Variants in TCF7L2 observed in about 807,000 individuals in gnomAD.
The protein encoded by TCF7L2 is transcription factor 7-like 2.
In TCF7L2, 23 loss-of-function variants were observed where a neutral mutation model predicts 77.9. The observed-to-expected ratio is 0.30, with a 90% CI of 0.21 to 0.42. The LOEUF (loss-of-function observed/expected upper bound fraction) is 0.42. TCF7L2 is among the 10% of genes least tolerant of loss of function. The pLI, the probability that TCF7L2 is intolerant of heterozygous loss-of-function variation, is 1.00. For missense variants in TCF7L2, 654 were observed against 793.1 expected, an observed-to-expected ratio of 0.82 and a Z score of 2.11; for synonymous variants, 413 against 340.2, an observed-to-expected ratio of 1.21 and a Z score of -2.36.
At chr10:113,153,493 C>T (rs1203332400) in intron 11 of TCF7L2, among the ~76,000 whole-genome samples, 2 of 152,206 alleles carry the variant, frequency 1.3e-5, no homozygotes, top group African/African-American at 4.8e-5. Flanking sequence ...CCACTGGCAT[C>T]ATCCGCGGTG....
intron 4 of TCF7L2, among the ~76,000 whole-genome samples, chr10:113,038,241 T>G (rs938610602): frequency 2.0e-5 from 3 of 151,986 alleles, no homozygotes; most frequent in African/African-American, 7.3e-5. Context: ...GACAACTCAT[T>G]CAGTACACAG....
intron 4 of TCF7L2, among the ~76,000 whole-genome samples, chr10:112,968,769 T>C (rs1427056269): frequency 6.6e-6 from 1 of 151,988 alleles, no homozygotes; most frequent in Admixed American, 6.6e-5. Context: ...TTAGTAGAGA[T>C]GGGGTTTCAC....
intron 4 of TCF7L2, among the ~76,000 whole-genome samples, chr10:112,975,752 G>C (rs2039299500): frequency 6.6e-6 from 1 of 152,228 alleles, no homozygotes; most frequent in South Asian, 2.1e-4. Context: ...AAAGTGCTGG[G>C]ATTACAGGCG....
chr10:113,077,367 C>T lies in TCF7L2; in HGVS notation c.552+37241C>T, dbSNP rs115284751. Among the ~76,000 whole-genome samples the T allele has an allele frequency of 8.0e-3, 1,220 of 152,252 alleles. 14 individuals carry two copies. The highest frequency in any genetic ancestry group is 0.027 in the African/African-American group (1,113 of 41,546). On this transcript the variant is annotated intron_variant, in intron 5 of 13. Transcript: ENST00000627217. ...TTAGTCACATACCATGCAGTTCACC[C>T]ATTTAAAGTATATAATTCAGTGGTT...
chr10:113,155,304 G>T (rs758510999), intron 11 of TCF7L2, among the ~76,000 whole-genome samples: 8 of 152,022 alleles, frequency 5.3e-5, no homozygotes, highest in Non-Finnish European at 8.8e-5. Context: ...CCTCTACACT[G>T]GGTAAAGGAT....
At chr10:112,955,679 T>G (rs1373211134) in intron 3 of TCF7L2, among the ~76,000 whole-genome samples, 5 of 152,116 alleles carry the variant, frequency 3.3e-5, no homozygotes, top group African/African-American at 1.2e-4. Flanking sequence ...TGATTTTAAT[T>G]TTACTGATAG....
intron 5 of TCF7L2, among the ~76,000 whole-genome samples, chr10:113,099,091 A>G (rs557844734): frequency 5.3e-5 from 8 of 152,194 alleles, no homozygotes; most frequent in Admixed American, 1.3e-4. Flanking sequence ...TGGATTTTCT[A>G]TTCTTCATTG....
intron 4 of TCF7L2, among the ~76,000 whole-genome samples, chr10:112,981,715 G>A (rs1011442931): frequency 6.6e-6 from 1 of 152,188 alleles, no homozygotes; most frequent in African/African-American, 2.4e-5. Context: ...AAGCAGATAT[G>A]GTTTTGATTT....
chr10:113,140,937 G>C (rs2068257735), intron 5 of TCF7L2, among the ~76,000 whole-genome samples: 1 of 152,190 alleles, frequency 6.6e-6, no homozygotes, highest in African/African-American at 2.4e-5. Context: ...TAGGGGTTGA[G>C]AAGGTATTTT....
rs1481774067 is a variant in TCF7L2, at chr10:113,158,835, C to T, written c.1318+766C>T. The T allele has an allele frequency of 3.9e-6, 4 of 1,018,398 alleles. No homozygotes were observed. In the Admixed American group the frequency reaches 8.8e-5, roughly 22 times the overall value. 63.1% of individuals were successfully genotyped at this position (1,018,398 alleles called of 1,614,324 possible). A position where few individuals can be genotyped will look rare whatever the true frequency, so the allele number is the denominator to read the frequency against. On this transcript the variant is annotated intron_variant, in intron 12 of 13. Coordinates refer to ENST00000627217, the MANE Select transcript of TCF7L2 (RefSeq NM_001146274.2). ...GACATTTGAACATTCTTTAAAATGA[C>T]CATCAACACGGTTTCGTATGTTTCA...
intron 4 of TCF7L2, among the ~76,000 whole-genome samples, chr10:113,001,281 T>C (rs1391068826): frequency 1.3e-5 from 2 of 152,148 alleles, no homozygotes; most frequent in African/African-American, 4.8e-5. Context: ...CAACAAAGAG[T>C]ATTTTATTTA....
At chr10:112,952,645 G>A (rs1053641247) in intron 3 of TCF7L2, among the ~76,000 whole-genome samples, 1 of 152,180 alleles carries the variant, frequency 6.6e-6, no homozygotes, top group Admixed American at 6.5e-5. Context: ...CGGGCTCAAG[G>A]AGGTGCGGGG....
chr10:113,089,286 T>G, intron 5 of TCF7L2: 2 of 1,191,994 alleles, frequency 1.7e-6, no homozygotes, highest in African/African-American at 3.1e-5. Context: ...ATCATGGAGC[T>G]TCTATAGAAA....
At chr10:112,952,092 ACGAGTGACTGACTGTGCTGCGCC>A (rs1437358248) in intron 3 of TCF7L2, among the ~76,000 whole-genome samples, 2 of 151,930 alleles carry the variant, frequency 1.3e-5, no homozygotes, top group African/African-American at 4.8e-5. Context: ...GCTGCGGGCC[ACGAGTGACTGACTGTGCTGCGCC>A]CGATGCGCGG....
chr10:113,150,993 T>C lies in TCF7L2; in HGVS notation c.876-5T>C, dbSNP rs1170169564. On this transcript the variant is annotated splice_region_variant and splice_polypyrimidine_tract_variant and intron_variant, in intron 8 of 13. Transcript: ENST00000627217. The stretch of plus-strand genomic sequence containing the variant: ...TGACGATTTACACAGCTTTCTGTCT[T>C]CTAGGTTCCCTCCCCATATGGTCCC... 1.2e-6 allele frequency: 2 copies of C among 1,613,970 alleles called. No homozygotes were observed. Among genetic ancestry groups the C allele is most frequent in the East Asian group, 2.2e-5 (1 of 44,884 alleles).
chr10:113,157,059 G>A (rs927588106), intron 11 of TCF7L2, among the ~76,000 whole-genome samples: 2 of 152,228 alleles, frequency 1.3e-5, no homozygotes, highest in Non-Finnish European at 2.9e-5. Flanking sequence ...AGCTAGAAGA[G>A]AATTGAGGGA....
intron 5 of TCF7L2, among the ~76,000 whole-genome samples, chr10:113,046,233 A>T (rs531725895): frequency 6.6e-6 from 1 of 152,284 alleles, no homozygotes; most frequent in South Asian, 2.1e-4. Context: ...ATCAAGAAGG[A>T]TTGTGTGACC....
intron 5 of TCF7L2, among the ~76,000 whole-genome samples, chr10:113,137,215 C>A (rs1264921472): frequency 2.0e-5 from 3 of 152,220 alleles, no homozygotes; most frequent in African/African-American, 7.2e-5. Flanking sequence ...AACATCCTTA[C>A]CTTTGAAATC....
intron 4 of TCF7L2, among the ~76,000 whole-genome samples, chr10:112,964,982 T>C (rs1431312982): frequency 6.6e-6 from 1 of 152,148 alleles, no homozygotes; most frequent in African/African-American, 2.4e-5. Context: ...CTACTGTTTT[T>C]CTTTGCTTAG....
Sources: allele counts gnomAD v4.1 joint callset (sites outside exome capture counted in the v4.1 genomes callset), GRCh38; gene constraint gnomAD v4.1.1; transcripts MANE v1.5; gene names NCBI Gene and HGNC (gene_info 2026-07-23, HGNC 2026-07-21).